The following ACAA2 variants were observed in gnomAD, a reference collection of about 807,000 sequenced individuals.
The protein encoded by ACAA2 is acetyl-CoA acyltransferase 2, also known as 3-ketoacyl-CoA thiolase, mitochondrial.
In ACAA2, 35 loss-of-function variants were observed where a neutral mutation model predicts 44.8. The ratio of observed to expected loss-of-function variants is 0.78; its 90% CI spans 0.60 to 1.04. The LOEUF (loss-of-function observed/expected upper bound fraction) is 1.04, where lower values mean the gene tolerates loss of function less well. Ranked by LOEUF, ACAA2 falls within the 50% of genes least tolerant of loss-of-function variation. The pLI is 0.00. For missense variants in ACAA2, 468 were observed against 482.6 expected (o/e 0.97, Z 0.28); for synonymous variants, 142 against 166.5 (o/e 0.85, Z 1.13).
rs756270268 is a variant in ACAA2, at chr18:49,795,820, G to T, written c.374C>A (p.Ala125Asp). The change falls in exon 4 of 10, where the codon GCT (alanine) becomes GAT (aspartate). Residue 125 changes from alanine (A) to aspartate (D), a missense_variant. Ala to Asp is a moderately radical substitution (Grantham distance 126, BLOSUM62 -2). Coordinates refer to ENST00000285093, the MANE Select transcript of ACAA2 (RefSeq NM_006111.3). The part of the protein sequence containing the change: ...LCGGTESMSQ[A>D]PYCVRNVRFG... ...ACGCACATTTCTGACACAGTAGGGA[G>T]CTTGGCTCATGCTTTCGGTTCCTCC... The T allele has an allele frequency of 6.2e-7, 1 of 1,612,280 alleles. No individual in the cohort carries two copies. The highest frequency in any genetic ancestry group is 1.3e-5 in the African/African-American group (1 of 74,864).
intron 2 of ACAA2, among the ~76,000 whole-genome samples, chr18:49,800,699 G>T (rs557857314): frequency 1.4e-4 from 21 of 152,232 alleles, no homozygotes. Context: ...TTGAAAGGCA[G>T]CATGCTTGTT....
In ACAA2 at chr18:49,785,734, G is replaced by A. The variant is rs977464909; in HGVS notation, c.955-383C>T. Reference sequence around the variant, plus strand: ...AAACTCTTTAAATTCACGTTTCCGCGTGTGAAAATGTGACTGTGGTATCAT... The same window carrying A: ...AAACTCTTTAAATTCACGTTTCCGCATGTGAAAATGTGACTGTGGTATCAT... On this transcript the variant is annotated intron_variant, in intron 8 of 9. Transcript: ENST00000285093. 2.4e-5 allele frequency: 5 copies of A among 204,798 alleles called. No homozygotes were observed. In the South Asian group the frequency reaches 3.6e-4, roughly 15 times the overall value. The allele number at this position is 204,798 out of a possible 1,614,324, so 12.7% of individuals were successfully genotyped here.
chr18:49,782,547 C>CA lies in ACAA2; in HGVS notation c.*1299dup, dbSNP rs72049121. 0.09 allele frequency: 11,267 copies of CA among 124,798 alleles called. 959 individuals carry two copies. The highest frequency in any genetic ancestry group is 0.31 in the East Asian group (1,302 of 4,200). The allele number at this position is 124,798 out of a possible 1,614,324, so 7.7% of individuals were successfully genotyped here. On this transcript the variant is annotated 3_prime_UTR_variant, in exon 10 of 10. Coordinates refer to ENST00000285093, the MANE Select transcript of ACAA2 (RefSeq NM_006111.3). ...TGGGTGACAGAGCAAGATGCTATCT[C>CA]AAAAAAAAAAAAAAAAGGCCGGGTG...
At chr18:49,790,808 A>G (rs1396054769) in intron 7 of ACAA2, among the ~76,000 whole-genome samples, 3 of 152,190 alleles carry the variant, frequency 2.0e-5, no homozygotes, top group African/African-American at 7.2e-5. Context: ...CATTTTACCA[A>G]TCTAATTATA....
intron 2 of ACAA2, among the ~76,000 whole-genome samples, chr18:49,800,252 C>T (rs924673828): frequency 2.7e-5 from 4 of 147,382 alleles, no homozygotes; most frequent in African/African-American, 1.0e-4. Flanking sequence ...GCCAGCCGCC[C>T]CGTCCGGGAG....
intron 6 of ACAA2, 78 bp from the exon 7 acceptor site, chr18:49,791,677 T>C (rs2023401044): frequency 1.4e-6 from 2 of 1,448,062 alleles, no homozygotes; most frequent in East Asian, 2.3e-5. Flanking sequence ...GGACTAGTAG[T>C]ATTAGGAATA....
intron 9 of ACAA2, among the ~76,000 whole-genome samples, 165 bp from the exon 10 acceptor site, chr18:49,784,096 G>A (rs1251705173): frequency 6.6e-6 from 1 of 150,746 alleles, no homozygotes. Flanking sequence ...ACAGACTTTG[G>A]AAAGCTGAAA....
chr18:49,784,074 TTACAACA>T (rs2023297998), intron 9 of ACAA2, 143 bp from the exon 10 acceptor site: 1 of 708,880 alleles, frequency 1.4e-6, no homozygotes, highest in South Asian at 1.8e-5. Context: ...TTTGGTATAA[TTACAACA>T]GGCAACAGAC....
intron 1 of ACAA2, among the ~76,000 whole-genome samples, chr18:49,806,980 C>T (rs1014787779): frequency 1.3e-4 from 20 of 152,100 alleles, no homozygotes; most frequent in African/African-American, 4.8e-4. Context: ...GCCAGAACCT[C>T]AAGGTCTGAC....
At chr18:49,810,192 CAT>C (rs1282488578) in intron 1 of ACAA2, among the ~76,000 whole-genome samples, 2 of 152,212 alleles carry the variant, frequency 1.3e-5, no homozygotes, top group African/African-American at 4.8e-5. Context: ...TGATAAAAAA[CAT>C]AAATTTGTAT....
Position 49,783,931 on chromosome 18 carries a change from C to G in ACAA2, c.1110G>C (p.Arg370Ser), listed in dbSNP as rs569859118. 1 of 1,613,610 alleles carries G rather than the reference C, an allele frequency of 6.2e-7. No homozygotes were observed. The highest frequency in any genetic ancestry group is 1.3e-5 in the African/African-American group (1 of 74,840). ...CAACGGCATATTTTCCACCTCGACG[C>G]CTGAAAAAGAAAGCAGTGACTGAAA... ...RITAHLVHEL[R>S]RRGGKYAVGS... The change falls in exon 10 of 10, where the codon AGG (arginine) becomes AGC (serine). Residue 370 changes from arginine to serine, a missense_variant and splice_region_variant. By Grantham distance (110) the Arg-to-Ser change is moderately radical (BLOSUM62 -1). Transcript: ENST00000285093.
chr18:49,785,155 A>G (rs376243588), intron 9 of ACAA2, 42 bp downstream of exon 9: 1 of 1,596,472 alleles, frequency 6.3e-7, no homozygotes, highest in Non-Finnish European at 8.5e-7. Flanking sequence ...GCATTTCTAT[A>G]AAAAACAGCA....
At chr18:49,786,451 CTT>C (rs2143945529) in intron 8 of ACAA2, 1 of 152,302 alleles carries the variant, frequency 6.6e-6, no homozygotes, top group Non-Finnish European at 1.5e-5. Context: ...TAAACAGCCT[CTT>C]TGAGGCTCTG....
chr18:49,802,900 A>G (rs2023571905), intron 1 of ACAA2, 47 bp from the exon 2 acceptor site: 4 of 1,586,766 alleles, frequency 2.5e-6, no homozygotes, highest in South Asian at 2.2e-5. Context: ...GTTAGTAAAT[A>G]CCTCTAAATG....
intron 2 of ACAA2, among the ~76,000 whole-genome samples, chr18:49,801,391 A>G (rs1433625036): frequency 1.3e-5 from 2 of 152,246 alleles, no homozygotes; most frequent in South Asian, 2.1e-4. Flanking sequence ...ATGCTGGGAA[A>G]AAAATATTTT....
At chr18:49,793,195 A>G (rs1246367940) in intron 5 of ACAA2, among the ~76,000 whole-genome samples, 1 of 152,232 alleles carries the variant, frequency 6.6e-6, no homozygotes, top group East Asian at 1.9e-4. Context: ...CACTAATACA[A>G]TTATAAGTAA....
At chr18:49,784,133 A>AAAAAAC (rs2023299548) in intron 9 of ACAA2, among the ~76,000 whole-genome samples, 2 of 149,416 alleles carry the variant, frequency 1.3e-5, no homozygotes, top group Non-Finnish European at 3.0e-5. Context: ...AACAAAAAAC[A>AAAAAAC]AAGAACAAAA....
intron 2 of ACAA2, among the ~76,000 whole-genome samples, chr18:49,800,019 C>G (rs2023520975): frequency 6.6e-6 from 1 of 151,176 alleles, no homozygotes; most frequent in Non-Finnish European, 1.5e-5. Flanking sequence ...CTCCGCCTGG[C>G]AGCCACCCTG....
chr18:49,800,552 A>C (rs1285693253), intron 2 of ACAA2, among the ~76,000 whole-genome samples: 2 of 152,192 alleles, frequency 1.3e-5, no homozygotes, highest in African/African-American at 4.8e-5. Flanking sequence ...TTTTGTACTA[A>C]GAAAAATTCT....
Sources: allele counts gnomAD v4.1 joint callset (sites outside exome capture counted in the v4.1 genomes callset), GRCh38; gene constraint gnomAD v4.1.1; transcripts MANE v1.5; gene names NCBI Gene and HGNC (gene_info 2026-07-23, HGNC 2026-07-21).